The following PDIA5 variants were observed in gnomAD, a reference collection of about 807,000 sequenced individuals.
The protein encoded by PDIA5 is protein disulfide-isomerase A5.
In PDIA5, 58 loss-of-function variants were observed where a neutral mutation model predicts 77.6. That is an observed-to-expected ratio of 0.75 (90% CI 0.61 to 0.93). The LOEUF is 0.93. Among genes scored for constraint, PDIA5 ranks in the 40% least tolerant of loss-of-function variants. The pLI, the probability that PDIA5 is intolerant of heterozygous loss-of-function variation, is 0.00. For synonymous variants in PDIA5, 250 were observed against 252.1 expected, an observed-to-expected ratio of 0.99 and a Z score of 0.08; for missense variants, 630 against 647.7, an observed-to-expected ratio of 0.97 and a Z score of 0.30.
intron 10 of PDIA5, among the ~76,000 whole-genome samples, chr3:123,125,372 G>T (rs896954390): frequency 6.6e-6 from 1 of 152,144 alleles, no homozygotes; most frequent in East Asian, 1.9e-4. Flanking sequence ...TTCATTTTAT[G>T]AATGAGGTCC....
chr3:123,077,937 G>A (rs995531855), intron 1 of PDIA5, among the ~76,000 whole-genome samples: 8 of 151,674 alleles, frequency 5.3e-5, no homozygotes, highest in African/African-American at 1.7e-4. Context: ...AGCCTCCCGA[G>A]TAGCTGGGAC....
At chr3:123,074,430 T>C (rs1002943168) in intron 1 of PDIA5, among the ~76,000 whole-genome samples, 6 of 152,234 alleles carry the variant, frequency 3.9e-5, no homozygotes, top group African/African-American at 1.2e-4. Context: ...GAATAATGTT[T>C]TTAAATGTAT....
In PDIA5 at chr3:123,118,146, G is replaced by A. The variant is rs1049441520; in HGVS notation, c.609+1848G>A. 2.0e-5 allele frequency among the ~76,000 whole-genome samples: 3 copies of A among 152,218 alleles called. No homozygotes were observed. The South Asian group carries it at 6.2e-4, about 32-fold the overall frequency. ...CAAGATGGGGCTGCAGAGAGCCAATGCTTTCTCTTTTGACCTCATTCTGGG... is the reference window on the plus strand; with the variant it reads ...CAAGATGGGGCTGCAGAGAGCCAATACTTTCTCTTTTGACCTCATTCTGGG... On this transcript the variant is annotated intron_variant, in intron 8 of 16. Coordinates refer to ENST00000316218, the MANE Select transcript of PDIA5 (RefSeq NM_006810.4).
chr3:123,130,528 G>C lies in PDIA5; in HGVS notation c.822G>C (p.Glu274Asp). 1 of 1,614,112 alleles carries C rather than the reference G, an allele frequency of 6.2e-7. No homozygotes were observed. The highest frequency in any genetic ancestry group is 8.5e-7 in the Non-Finnish European group (1 of 1,179,978). ...TCCCTGAGACTCCCTGGGCAGATGA[G>C]GGCGGCTCCGTTTATCACCTGACCG... The part of the protein sequence containing the change: ...PQVPETPWAD[E>D]GGSVYHLTDE... Residue 274 changes from glutamate (E) to aspartate (D), a missense_variant, in exon 11 of 17, where the codon GAG becomes GAC. Transcript: ENST00000316218.
At chr3:123,128,401 T>C (rs1935291593) in intron 10 of PDIA5, among the ~76,000 whole-genome samples, 1 of 152,072 alleles carries the variant, frequency 6.6e-6, no homozygotes, top group Non-Finnish European at 1.5e-5. Flanking sequence ...CCTGTACTCC[T>C]GCAAAATATA....
chr3:123,079,871 A>G (rs1389547046), intron 1 of PDIA5, among the ~76,000 whole-genome samples: 2 of 152,150 alleles, frequency 1.3e-5, no homozygotes, highest in South Asian at 2.1e-4. Context: ...TGACCCACCA[A>G]TGAAGATTTG....
chr3:123,145,332 G>T (rs1223929717), intron 11 of PDIA5, 190 bp from the exon 12 acceptor site: 4 of 567,764 alleles, frequency 7.0e-6, no homozygotes, highest in African/African-American at 5.7e-5. Flanking sequence ...TTGTGTCTGG[G>T]GTACCTTCCC....
At chr3:123,132,676 C>A (rs1935397649) in intron 11 of PDIA5, among the ~76,000 whole-genome samples, 1 of 152,168 alleles carries the variant, frequency 6.6e-6, no homozygotes, top group Admixed American at 6.5e-5. Context: ...ATAAAATACA[C>A]TCCCTGGCCA....
intron 13 of PDIA5, among the ~76,000 whole-genome samples, chr3:123,147,414 T>C (rs551906119): frequency 6.6e-6 from 1 of 152,308 alleles, no homozygotes; most frequent in East Asian, 1.9e-4. Flanking sequence ...GGGGACACAG[T>C]TGAACCTATA....
intron 11 of PDIA5, among the ~76,000 whole-genome samples, chr3:123,143,110 G>T (rs940510559): frequency 1.3e-5 from 2 of 152,114 alleles, no homozygotes; most frequent in African/African-American, 4.8e-5. Flanking sequence ...TCTGGGGCTG[G>T]GCATGGTGGC....
At chr3:123,067,257 T>G (rs1933591667) in intron 1 of PDIA5, 51 bp downstream of exon 1, 1 of 1,218,354 alleles carries the variant, frequency 8.2e-7, no homozygotes, top group East Asian at 3.2e-5. Context: ...GTGTCCCGCG[T>G]GCCCTTCTGC....
chr3:123,103,347 C>A (rs552790401), intron 5 of PDIA5, among the ~76,000 whole-genome samples: 1 of 152,310 alleles, frequency 6.6e-6, no homozygotes, highest in East Asian at 1.9e-4. Context: ...GCTGCCCCAG[C>A]CCTTAGTCCT....
intron 7 of PDIA5, among the ~76,000 whole-genome samples, chr3:123,113,731 T>C (rs1934924870): frequency 6.6e-6 from 1 of 152,228 alleles, no homozygotes; most frequent in African/African-American, 2.4e-5. Flanking sequence ...CTGTTAGGAC[T>C]CTGTGACCCT....
intron 8 of PDIA5, among the ~76,000 whole-genome samples, chr3:123,119,570 G>C (rs889818697): frequency 6.6e-6 from 1 of 152,158 alleles, no homozygotes; most frequent in African/African-American, 2.4e-5. Context: ...GCCGCTGCAC[G>C]CATCACCCAC....
chr3:123,092,515 G>A, intron 3 of PDIA5, 73 bp downstream of exon 3: 2 of 1,052,536 alleles, frequency 1.9e-6, no homozygotes, highest in Non-Finnish European at 3.0e-6. Context: ...GGTGGGGACA[G>A]GAACTGTCTC....
At chr3:123,158,478 G>A (rs1038689964) in intron 15 of PDIA5, among the ~76,000 whole-genome samples, 2 of 152,190 alleles carry the variant, frequency 1.3e-5, no homozygotes, top group Non-Finnish European at 2.9e-5. Flanking sequence ...AGTGAGACAC[G>A]AAAGGGGAGG....
At chr3:123,073,489 T>C (rs1933778821) in intron 1 of PDIA5, among the ~76,000 whole-genome samples, 2 of 152,326 alleles carry the variant, frequency 1.3e-5, no homozygotes, top group African/African-American at 4.8e-5. Flanking sequence ...ATGCTGACTG[T>C]ATCCTTCCCC....
At chr3:123,105,804 A>AAGTTGACAG (rs955164793) in intron 5 of PDIA5, among the ~76,000 whole-genome samples, 2 of 152,050 alleles carry the variant, frequency 1.3e-5, no homozygotes, top group African/African-American at 4.8e-5. Context: ...AGCGTGGTCA[A>AAGTTGACAG]AGTTGACAGA....
intron 14 of PDIA5, 59 bp downstream of exon 14, chr3:123,150,423 C>CA (rs1310700279): frequency 1.3e-6 from 2 of 1,536,184 alleles, no homozygotes; most frequent in African/African-American, 2.8e-5. Flanking sequence ...CCCACCAAAC[C>CA]AAAAAGACCC....
Sources: gnomAD v4.1 joint callset for allele counts (sites outside exome capture counted in the v4.1 genomes callset) on GRCh38, gnomAD v4.1.1 for gene constraint, MANE v1.5 for transcripts, NCBI Gene and HGNC (gene_info 2026-07-23, HGNC 2026-07-21) for gene names.